The following DDX5 variants were observed in gnomAD, a reference collection of about 807,000 sequenced individuals.
DDX5 encodes probable ATP-dependent RNA helicase DDX5.
DDX5 carries 6 observed loss-of-function variants against 68.6 expected under a neutral mutation model. The observed-to-expected ratio is 0.09, with a 90% CI of 0.05 to 0.17. The LOEUF is 0.17. Among genes scored for constraint, DDX5 ranks in the 10% least tolerant of loss-of-function variants. The pLI is 1.00. For missense variants in DDX5, 499 were observed against 756.1 expected (o/e 0.66, Z 3.99); for synonymous variants, 350 against 247.0 (o/e 1.42, Z -3.91).
chr17:64,501,174 G>C, intron 11 of DDX5: 1 of 199,046 alleles, frequency 5.0e-6, no homozygotes, highest in Non-Finnish European at 1.0e-5. Context: ...AAGGTCCTTT[G>C]CATTACACAT....
At chr17:64,501,911 T>C (rs2038306058) in intron 11 of DDX5, 99 bp downstream of exon 11, 5 of 1,292,158 alleles carry the variant, frequency 3.9e-6, no homozygotes, top group Non-Finnish European at 5.5e-6. Flanking sequence ...AAAAAAAACT[T>C]AGAAAAAATG....
chr17:64,505,897 C>T, intron 1 of DDX5, 179 bp downstream of exon 1: 4 of 1,535,374 alleles, frequency 2.6e-6, no homozygotes, highest in South Asian at 2.4e-5. Flanking sequence ...ACTACACCGT[C>T]AAATCTCTTC....
intron 2 of DDX5, 48 bp downstream of exon 2, chr17:64,504,628 GA>G: frequency 6.5e-7 from 1 of 1,545,088 alleles, no homozygotes; most frequent in Non-Finnish European, 8.7e-7. Context: ...TCATTTACTA[GA>G]ATCCACGATC....
chr17:64,506,297 G>A (rs2038519159), upstream of DDX5: 7 of 1,518,698 alleles, frequency 4.6e-6, no homozygotes, highest in African/African-American at 2.8e-5. Context: ...GGTGCCGGCC[G>A]CTTTCCGGCA....
At position 64,504,691 on chromosome 17, in the gene DDX5, C is replaced by G; in HGVS notation, c.196G>C (p.Ala66Pro). Residue 66 changes from alanine to proline, a missense_variant, in exon 2 of 13, where the codon GCT becomes CCT. By Grantham distance (27) the Ala-to-Pro change is conservative (BLOSUM62 -1). Coordinates refer to ENST00000225792, the MANE Select transcript of DDX5 (RefSeq NM_004396.5). The stretch of plus-strand genomic sequence containing the variant: ...AATTTACTCACTGCTGTGCGCCTAG[C>G]CAAATCAGGGTGCTCTTGATAAAAA... ...KNFYQEHPDL[A>P]RRTAQEVETY... is the part of the protein sequence containing the mutation. The G allele has an allele frequency of 6.2e-7, 1 of 1,612,830 alleles. No individual in the cohort carries two copies. Among genetic ancestry groups the G allele is most frequent in the Non-Finnish European group, 8.5e-7 (1 of 1,179,562 alleles).
chr17:64,506,542 A>G (rs1879252211), upstream of DDX5: 1 of 529,666 alleles, frequency 1.9e-6, no homozygotes, highest in South Asian at 2.5e-5. Flanking sequence ...CACCTCAAGC[A>G]AGCCACCCCG....
chr17:64,506,736 A>C, upstream of DDX5: 1 of 430,950 alleles, frequency 2.3e-6, no homozygotes. Flanking sequence ...GCGGAGGGAT[A>C]CAAAACGAAA....
At chr17:64,501,698 A>G (rs1036374092) in intron 11 of DDX5, 6 of 416,238 alleles carry the variant, frequency 1.4e-5, no homozygotes, top group South Asian at 6.7e-5. Context: ...AACTGTGAGG[A>G]TAACTTCCAT....
chr17:64,506,019 G>GTGGCC, intron 1 of DDX5, 57 bp downstream of exon 1: 2 of 1,360,444 alleles, frequency 1.5e-6, no homozygotes, highest in Non-Finnish European at 2.0e-6. Flanking sequence ...CCGCCACCCT[G>GTGGCC]ACCCGCCCTC....
At chr17:64,500,362 T>C (rs782129953) in intron 12 of DDX5, 36 bp from the exon 13 acceptor site, 2 of 1,576,134 alleles carry the variant, frequency 1.3e-6, no homozygotes, top group South Asian at 1.2e-5. Context: ...ATCAATTATG[T>C]CTATGACACA....
chr17:64,505,486 G>A, intron 1 of DDX5: 1 of 574,432 alleles, frequency 1.7e-6, no homozygotes, highest in South Asian at 2.2e-5. Flanking sequence ...CGGCGTTCCC[G>A]CTGGGGCGGC....
intron 1 of DDX5, 65 bp downstream of exon 1, chr17:64,506,011 G>A: frequency 1.3e-6 from 2 of 1,540,422 alleles, no homozygotes; most frequent in Non-Finnish European, 8.7e-7. Context: ...CCCGCCGGCC[G>A]CCACCCTGAC....
chr17:64,504,945 A>G, intron 1 of DDX5, 103 bp from the exon 2 acceptor site: 1 of 1,123,144 alleles, frequency 8.9e-7, no homozygotes, highest in Non-Finnish European at 1.2e-6. Flanking sequence ...CTGAAAACAG[A>G]CTTCGAGAGG....
At position 64,499,108 on chromosome 17, in the gene DDX5, C is replaced by G. The variant is rs782218327; in HGVS notation, c.*815G>C. Among the ~76,000 whole-genome samples the G allele has an allele frequency of 8.5e-5, 13 of 152,186 alleles. No homozygotes were observed. Among genetic ancestry groups the G allele is most frequent in the Non-Finnish European group, 1.9e-4 (13 of 68,028 alleles). ...CAGTAAAGGAGACTCAAGCTTAGCT[C>G]CTGGCCATCTTAAAGGGCTAATGTA... is the stretch of plus-strand genomic sequence containing the variant. On this transcript the variant is annotated 3_prime_UTR_variant, in exon 13 of 13. Coordinates refer to ENST00000225792, the MANE Select transcript of DDX5 (RefSeq NM_004396.5).
At chr17:64,504,644 T>TTACTAGAATCC (rs782093972) in intron 2 of DDX5, 33 bp downstream of exon 2, 2 of 1,579,416 alleles carry the variant, frequency 1.3e-6, no homozygotes, top group East Asian at 4.5e-5. Flanking sequence ...ACGATCGAGT[T>TTACTAGAATCC]ACAGCCTGAT....
intron 12 of DDX5, 65 bp from the exon 13 acceptor site, chr17:64,500,391 G>A (rs782312073): frequency 8.4e-6 from 13 of 1,553,104 alleles, no homozygotes; most frequent in Non-Finnish European, 1.1e-5. Flanking sequence ...TGGACAGAAA[G>A]AAACAGATCT....
intron 2 of DDX5, 51 bp from the exon 3 acceptor site, chr17:64,504,369 TA>T (rs782069115): frequency 1.4e-6 from 2 of 1,462,660 alleles, no homozygotes; most frequent in South Asian, 1.1e-5. Context: ...CACCCCTAGC[TA>T]AATACGTAAT....
At position 64,499,902 on chromosome 17, in the gene DDX5, T is replaced by C; in HGVS notation, c.*21A>G. 1 of 1,541,066 alleles carries C rather than the reference T, an allele frequency of 6.5e-7. No homozygotes were observed. Among genetic ancestry groups the C allele is most frequent in the Non-Finnish European group, 8.7e-7 (1 of 1,144,258 alleles). On this transcript the variant is annotated 3_prime_UTR_variant, in exon 13 of 13. Transcript: ENST00000225792. ...AAAGAGCAATTATGAAAAACAGACA[T>C]TTACATATACTTCTAAAGTCTTATT... is the stretch of plus-strand genomic sequence containing the variant.
At chr17:64,506,779 G>C (rs1334203334), upstream of DDX5, 2 of 531,096 alleles carry the variant, frequency 3.8e-6, no homozygotes, top group South Asian at 4.3e-5. Context: ...TCGCACCCCG[G>C]GACCCGCCCG....
Sources: gnomAD v4.1 joint callset for allele counts (sites outside exome capture counted in the v4.1 genomes callset) on GRCh38, gnomAD v4.1.1 for gene constraint, MANE v1.5 for transcripts, NCBI Gene and HGNC (gene_info 2026-07-23, HGNC 2026-07-21) for gene names.